The following DPP6 variants were observed in gnomAD, a reference collection of about 807,000 sequenced individuals.
The protein encoded by DPP6 is A-type potassium channel modulatory protein DPP6.
In DPP6, 69 loss-of-function variants were observed where a neutral mutation model predicts 122.6. The ratio of observed to expected loss-of-function variants is 0.56; its 90% CI spans 0.46 to 0.69. The LOEUF is 0.69. Among genes scored for constraint, DPP6 ranks in the 30% least tolerant of loss-of-function variants. DPP6 has a pLI of 0.00. For synonymous variants in DPP6, 418 were observed against 433.1 expected (o/e 0.97, Z 0.43); for missense variants, 928 against 1,116.9 (o/e 0.83, Z 2.41).
chr7:153,927,529 T>C (rs541731947), intron 1 of DPP6, among the ~76,000 whole-genome samples: 1 of 152,342 alleles, frequency 6.6e-6, no homozygotes, highest in South Asian at 2.1e-4. Flanking sequence ...TTCAGTGATA[T>C]CCATTGTAAC....
chr7:153,806,860 GAA>G, the DPP6 span, among the ~76,000 whole-genome samples: 3 of 106,370 alleles, frequency 2.8e-5, no homozygotes, highest in African/African-American at 9.1e-5. Flanking sequence ...AAGAATAAAG[GAA>G]AGAGTTTCTT....
At chr7:154,305,765 C>T (rs1438230283) in intron 1 of DPP6, among the ~76,000 whole-genome samples, 1 of 152,084 alleles carries the variant, frequency 6.6e-6, no homozygotes, top group East Asian at 1.9e-4. Flanking sequence ...CGGCTCTCCT[C>T]TCCCTGGCTT....
chr7:153,789,823 G>A, the DPP6 span, among the ~76,000 whole-genome samples: 1 of 152,114 alleles, frequency 6.6e-6, no homozygotes, highest in African/African-American at 2.4e-5. Flanking sequence ...CATTAAGGAT[G>A]TTTACTTTTA....
In DPP6 at chr7:154,859,345, C is replaced by T. The variant is rs150867183; in HGVS notation, c.1714+5518C>T. Among the ~76,000 whole-genome samples, 441 of 152,350 alleles carry T rather than the reference C, an allele frequency of 2.9e-3. 2 individuals are homozygous for T. Among genetic ancestry groups the T allele is most frequent in the African/African-American group, 9.7e-3 (402 of 41,584 alleles). Reference sequence around the variant, plus strand: ...GGCAAGACAGGAGGCCTCGGGGAGCCGGCTCCTGAGCCGCTGTGTGACGCC... The same window carrying T: ...GGCAAGACAGGAGGCCTCGGGGAGCTGGCTCCTGAGCCGCTGTGTGACGCC... On this transcript the variant is annotated intron_variant, in intron 17 of 25. Transcript: ENST00000377770.
At chr7:153,862,520 C>T in the DPP6 span, among the ~76,000 whole-genome samples, 3 of 152,254 alleles carry the variant, frequency 2.0e-5, no homozygotes, top group African/African-American at 7.2e-5. Flanking sequence ...AGCCAACTCT[C>T]ATCTAAACTC....
chr7:154,060,030 G>A (rs148481920), intron 1 of DPP6, among the ~76,000 whole-genome samples: 15,789 of 127,658 alleles, frequency 0.12, 11 homozygotes, highest in Admixed American at 0.2. Context: ...GGCACCCCCC[G>A]CGAGGCGGGG....
At chr7:153,872,236 G>A in the DPP6 span, among the ~76,000 whole-genome samples, 1 of 152,174 alleles carries the variant, frequency 6.6e-6, no homozygotes, top group Non-Finnish European at 1.5e-5. Flanking sequence ...AGACCTGCTG[G>A]ATCAGGGTAT....
chr7:154,164,956 T>G (rs58577316), intron 1 of DPP6, among the ~76,000 whole-genome samples: 24,313 of 152,188 alleles, frequency 0.16, 3,119 homozygotes, highest in African/African-American at 0.36. Flanking sequence ...TGGATATAAC[T>G]GTTAGATTTA....
At chr7:154,133,770 C>CT (rs1264327680) in intron 1 of DPP6, among the ~76,000 whole-genome samples, 1 of 149,858 alleles carries the variant, frequency 6.7e-6, no homozygotes, top group East Asian at 2.0e-4. Context: ...GTGAGGCCCA[C>CT]TTGATCTTCT....
chr7:154,278,434 C>G (rs1804278576), intron 1 of DPP6, among the ~76,000 whole-genome samples: 2 of 152,324 alleles, frequency 1.3e-5, no homozygotes, highest in Admixed American at 6.5e-5. Flanking sequence ...CTATGGAACT[C>G]CAGCTGCTGC....
intron 1 of DPP6, among the ~76,000 whole-genome samples, chr7:154,237,504 G>C (rs1007504056): frequency 6.6e-6 from 1 of 152,158 alleles, no homozygotes; most frequent in Non-Finnish European, 1.5e-5. Flanking sequence ...TAAGTGAACA[G>C]CAGATCCTCA....
In DPP6 at chr7:154,403,505, C is replaced by G. The variant is rs1346497592; in HGVS notation, c.244-42709C>G. 1.3e-5 allele frequency among the ~76,000 whole-genome samples: 2 copies of G among 152,316 alleles called. No individual in the cohort carries two copies. Among genetic ancestry groups the G allele is most frequent in the Non-Finnish European group, 2.9e-5 (2 of 68,018 alleles). On this transcript the variant is annotated intron_variant, in intron 1 of 25. Transcript: ENST00000377770. This position sits in a 1 kb window ranked among gnomAD's most constrained non-coding sequence, Gnocchi z 4.1. ...GGGGGGCGCTAATGCAGCTTTCTCT[C>G]CTGGAGCCTCTCATCTCCACCTGCT...
At chr7:154,678,064 G>C (rs187122453) in intron 7 of DPP6, among the ~76,000 whole-genome samples, 3 of 152,274 alleles carry the variant, frequency 2.0e-5, no homozygotes, top group Admixed American at 2.0e-4. Flanking sequence ...TAAACGCACT[G>C]ATCAGCACTC....
chr7:154,252,532 A>G (rs1363762120), intron 1 of DPP6, among the ~76,000 whole-genome samples: 1 of 152,220 alleles, frequency 6.6e-6, no homozygotes, highest in Non-Finnish European at 1.5e-5. Flanking sequence ...TCCCACCACC[A>G]ACCCTGTTCT....
At chr7:154,251,529 G>A (rs1471463181) in intron 1 of DPP6, among the ~76,000 whole-genome samples, 2 of 152,204 alleles carry the variant, frequency 1.3e-5, no homozygotes, top group African/African-American at 4.8e-5. Flanking sequence ...ACCATCACAA[G>A]ATAAAGTCCC....
At chr7:153,860,425 G>C in the DPP6 span, among the ~76,000 whole-genome samples, 2 of 152,118 alleles carry the variant, frequency 1.3e-5, no homozygotes, top group African/African-American at 2.4e-5. Flanking sequence ...GGATGGAAGG[G>C]AAGTGAGGCC....
chr7:154,558,090 C>A (rs985514401), intron 4 of DPP6, among the ~76,000 whole-genome samples: 3 of 151,936 alleles, frequency 2.0e-5, no homozygotes, highest in Admixed American at 1.3e-4. Context: ...AATGCTATCC[C>A]TCCCTTTACC....
At chr7:154,223,698 G>T (rs560759469) in intron 1 of DPP6, among the ~76,000 whole-genome samples, 8 of 149,424 alleles carry the variant, frequency 5.4e-5, no homozygotes, top group Non-Finnish European at 8.8e-5. Flanking sequence ...GGTGGGAGAT[G>T]TCCCTAGTCC....
chr7:154,450,257 A>G (rs1355149990), intron 2 of DPP6, among the ~76,000 whole-genome samples: 28 of 152,170 alleles, frequency 1.8e-4, no homozygotes, highest in Non-Finnish European at 1.5e-5. Context: ...AGGTAGAGGT[A>G]GGGAGAAAAT....
Sources: gnomAD v4.1 joint callset for allele counts (sites outside exome capture counted in the v4.1 genomes callset) on GRCh38, gnomAD v4.1.1 for gene constraint, Gnocchi (gnomAD v3.1) non-coding constraint, MANE v1.5 for transcripts, NCBI Gene and HGNC (gene_info 2026-07-23, HGNC 2026-07-21) for gene names.